The following PPM1H variants were observed in gnomAD, a reference collection of about 807,000 sequenced individuals.
PPM1H encodes the protein protein phosphatase, Mg2+/Mn2+ dependent 1H, also known as protein phosphatase 1H.
In PPM1H, 27 loss-of-function variants were observed where a neutral mutation model predicts 54.9. That is an observed-to-expected ratio of 0.49 (90% CI 0.36 to 0.68). PPM1H has a LOEUF of 0.68. Ranked by LOEUF, PPM1H falls within the 30% of genes least tolerant of loss-of-function variation. The pLI, the probability that PPM1H is intolerant of heterozygous loss-of-function variation, is 0.00. For missense variants in PPM1H, 596 were observed against 667.8 expected, an observed-to-expected ratio of 0.89 and a Z score of 1.19; for synonymous variants, 305 against 270.8, an observed-to-expected ratio of 1.13 and a Z score of -1.24.
chr12:62,809,780 T>C (rs909284906), intron 2 of PPM1H, among the ~76,000 whole-genome samples: 3 of 152,234 alleles, frequency 2.0e-5, no homozygotes, highest in African/African-American at 7.2e-5. Flanking sequence ...TAGTTACTAT[T>C]CACTCTTCAG....
intron 1 of PPM1H, among the ~76,000 whole-genome samples, chr12:62,877,702 C>T (rs1051321894): frequency 5.3e-5 from 8 of 152,286 alleles, no homozygotes; most frequent in Non-Finnish European, 8.8e-5. Flanking sequence ...TTCTGTTCCA[C>T]CTGGCACAGC....
chr12:62,696,945 A>C (rs1355630506), intron 6 of PPM1H, among the ~76,000 whole-genome samples: 1 of 152,070 alleles, frequency 6.6e-6, no homozygotes, highest in Non-Finnish European at 1.5e-5. Context: ...ATTATTGTCC[A>C]CTCTCTTCGG....
At chr12:62,750,757 C>T (rs1427998566) in intron 4 of PPM1H, among the ~76,000 whole-genome samples, 1 of 152,140 alleles carries the variant, frequency 6.6e-6, no homozygotes, top group Non-Finnish European at 1.5e-5. Flanking sequence ...TCTTAAAGGA[C>T]TCTAGAGTTC....
chr12:62,880,010 A>T (rs1291247449), intron 1 of PPM1H, among the ~76,000 whole-genome samples: 1 of 152,168 alleles, frequency 6.6e-6, no homozygotes, highest in Admixed American at 6.5e-5. Context: ...AAATTATATT[A>T]TTGAAGATCT....
chr12:62,672,716 G>A (rs766374029), intron 8 of PPM1H, among the ~76,000 whole-genome samples: 1 of 152,140 alleles, frequency 6.6e-6, no homozygotes, highest in Admixed American at 6.5e-5. Context: ...ATTCACAACC[G>A]AAGAAAGCAT....
chr12:62,895,475 G>C (rs1390351725), intron 1 of PPM1H, among the ~76,000 whole-genome samples: 1 of 152,098 alleles, frequency 6.6e-6, no homozygotes, highest in African/African-American at 2.4e-5. Flanking sequence ...AGCAGCACCT[G>C]GGACTCATTA....
At chr12:62,721,495 T>C (rs1259552697) in intron 5 of PPM1H, among the ~76,000 whole-genome samples, 4 of 152,090 alleles carry the variant, frequency 2.6e-5, no homozygotes, top group Non-Finnish European at 5.9e-5. Context: ...AGTTTCTAGG[T>C]CTGGTGGGAA....
chr12:62,739,136 T>C (rs2076367531), intron 4 of PPM1H, among the ~76,000 whole-genome samples: 2 of 151,876 alleles, frequency 1.3e-5, no homozygotes, highest in South Asian at 2.1e-4. Context: ...GAACTGACTG[T>C]GAGAAGATGA....
intron 1 of PPM1H, among the ~76,000 whole-genome samples, chr12:62,890,868 G>C (rs1232072827): frequency 6.6e-6 from 1 of 152,012 alleles, no homozygotes; most frequent in African/African-American, 2.4e-5. Flanking sequence ...CCAGCACTTT[G>C]GGAGGCCAAG....
intron 1 of PPM1H, among the ~76,000 whole-genome samples, chr12:62,875,955 C>T (rs1211466168): frequency 6.6e-6 from 1 of 152,166 alleles, no homozygotes; most frequent in East Asian, 1.9e-4. Context: ...ATGAGCATGT[C>T]CACAGCATGC....
chr12:62,895,443 T>C (rs1331018289), intron 1 of PPM1H, among the ~76,000 whole-genome samples: 2 of 152,170 alleles, frequency 1.3e-5, no homozygotes, highest in East Asian at 1.9e-4. Flanking sequence ...TCTCAATGTG[T>C]AGTGCTTAGA....
chr12:62,918,346 G>A (rs550425975), intron 1 of PPM1H, among the ~76,000 whole-genome samples: 2 of 152,270 alleles, frequency 1.3e-5, no homozygotes, highest in South Asian at 4.1e-4. Flanking sequence ...TAAAACCTCT[G>A]TATCTTTTGC....
chr12:62,677,107 G>A (rs1044765483), intron 8 of PPM1H, among the ~76,000 whole-genome samples: 3 of 152,102 alleles, frequency 2.0e-5, no homozygotes, highest in African/African-American at 7.2e-5. Flanking sequence ...CCCATTTTGG[G>A]TCTCATCTCC....
chr12:62,770,838 G>T (rs1442151309), intron 4 of PPM1H, among the ~76,000 whole-genome samples: 1 of 151,956 alleles, frequency 6.6e-6, no homozygotes, highest in South Asian at 2.1e-4. Flanking sequence ...CCCACTCTGC[G>T]ATTTCAAAAG....
intron 3 of PPM1H, among the ~76,000 whole-genome samples, chr12:62,801,178 C>T (rs1420130780): frequency 6.6e-6 from 1 of 152,254 alleles, no homozygotes; most frequent in Non-Finnish European, 1.5e-5. Flanking sequence ...TTATACACAT[C>T]TGTAAAACAG....
At position 62,648,289 on chromosome 12, in the gene PPM1H, T is replaced by TGTTGA. The variant is rs2075797762; in HGVS notation, c.*195_*199dup. On this transcript the variant is annotated 3_prime_UTR_variant, in exon 10 of 10. Transcript: ENST00000228705. ...GGTAGCAGCCTTTGTGTTTTGCTCT[T>TGTTGA]GTTGAGTTGACCTGTTACTAAAGAA... 2 of 599,140 alleles carry TGTTGA rather than the reference T, an allele frequency of 3.3e-6. No individual in the cohort carries two copies. The highest frequency in any genetic ancestry group is 3.0e-5 in the Admixed American group (1 of 32,876). 37.1% of individuals were successfully genotyped at this position (599,140 alleles called of 1,614,324 possible).
At chr12:62,836,259 A>G (rs1219513021) in intron 1 of PPM1H, among the ~76,000 whole-genome samples, 1 of 152,252 alleles carries the variant, frequency 6.6e-6, no homozygotes, top group Non-Finnish European at 1.5e-5. Context: ...ACTGGAGGTA[A>G]TAAGTCATGG....
intron 6 of PPM1H, among the ~76,000 whole-genome samples, chr12:62,702,894 G>A (rs971481301): frequency 6.6e-6 from 1 of 152,164 alleles, no homozygotes; most frequent in Non-Finnish European, 1.5e-5. Flanking sequence ...TGGGGTCAGA[G>A]GTTCTGAAGT....
At chr12:62,811,261 A>G (rs1445504932) in intron 2 of PPM1H, among the ~76,000 whole-genome samples, 2 of 152,240 alleles carry the variant, frequency 1.3e-5, no homozygotes, top group Admixed American at 6.5e-5. Context: ...GGAAAAAGTT[A>G]ATTGTACTGT....
Sources: gnomAD v4.1 joint callset for allele counts (sites outside exome capture counted in the v4.1 genomes callset) on GRCh38, gnomAD v4.1.1 for gene constraint, MANE v1.5 for transcripts, NCBI Gene and HGNC (gene_info 2026-07-23, HGNC 2026-07-21) for gene names.